The following NMRK1 variants were observed in gnomAD, a reference collection of about 807,000 sequenced individuals.
NMRK1 encodes the protein nicotinamide riboside kinase 1, also known as NRK 1.
Under a neutral mutation model 29.9 loss-of-function variants are expected in NMRK1, and 28 were observed. The ratio of observed to expected loss-of-function variants is 0.94; its 90% confidence interval spans 0.69 to 1.28. The LOEUF (loss-of-function observed/expected upper bound fraction) is 1.28. NMRK1 is among the 50% of genes most tolerant of loss of function. The pLI is 0.00. For synonymous variants in NMRK1, 58 were observed against 73.0 expected, an observed-to-expected ratio of 0.79 and a Z score of 1.05; for missense variants, 218 against 233.1, an observed-to-expected ratio of 0.94 and a Z score of 0.42.
intron 8 of NMRK1, 95 bp downstream of exon 8, chr9:75,066,662 A>T (rs1823368957): frequency 5.0e-6 from 4 of 794,712 alleles, no homozygotes; most frequent in South Asian, 4.1e-5. Flanking sequence ...AATCACTCCT[A>T]CACTAGCATT....
chr9:75,078,984 T>C (rs1184291114), intron 2 of NMRK1, among the ~76,000 whole-genome samples: 1 of 152,190 alleles, frequency 6.6e-6, no homozygotes, highest in Non-Finnish European at 1.5e-5. Context: ...TACTCTGAGG[T>C]CAAGATTTCA....
intron 8 of NMRK1, among the ~76,000 whole-genome samples, chr9:75,062,957 G>C (rs1213832318): frequency 6.6e-6 from 1 of 152,154 alleles, no homozygotes; most frequent in Admixed American, 6.5e-5. Flanking sequence ...CCTGAACCCA[G>C]AAGGTGGAGG....
intron 3 of NMRK1, 120 bp downstream of exon 3, chr9:75,077,370 G>T: frequency 1.1e-6 from 1 of 880,546 alleles, no homozygotes; most frequent in Non-Finnish European, 1.8e-6. Flanking sequence ...CCATTGCACT[G>T]AGCCTAATTT....
rs1823004864 is a variant in NMRK1, at chr9:75,061,272, G to T, written c.*276C>A. 5.0e-6 allele frequency: 2 copies of T among 402,376 alleles called. No homozygotes were observed. The highest frequency in any genetic ancestry group is 1.3e-4 in the South Asian group (2 of 15,600). The allele number at this position is 402,376 out of a possible 1,614,324, so 24.9% of individuals were successfully genotyped here. A position where few individuals can be genotyped will look rare whatever the true frequency, so the allele number is the denominator to read the frequency against. On this transcript the variant is annotated 3_prime_UTR_variant, in exon 9 of 9. Transcript: ENST00000361092. ...AAAGTTTGACAATCATTGTTATAGA[G>T]CTATGTTCAGAAAGTGGAGACTTTC... is the stretch of plus-strand genomic sequence containing the variant.
In NMRK1 at chr9:75,083,100, T is replaced by C. The variant is rs768604528; in HGVS notation, c.16A>G (p.Ile6Val). MKTFIIGISGVTNSGK... is the reference protein window; with the variant it reads MKTFIVGISGVTNSGK... ...AAAATTACTCACCCACTGATTCCAA[T>C]GATAAATGTTTTCATAATTAGCTTT... Residue 6 changes from isoleucine to valine, a missense_variant, in exon 2 of 9, where the codon ATT becomes GTT. Ile to Val is a conservative substitution (Grantham distance 29, BLOSUM62 3). Transcript: ENST00000361092. The C allele has an allele frequency of 8.1e-6, 13 of 1,599,284 alleles. No individual in the cohort carries two copies. Among genetic ancestry groups the C allele is most frequent in the African/African-American group, 1.3e-5 (1 of 74,770 alleles).
intron 8 of NMRK1, among the ~76,000 whole-genome samples, chr9:75,062,332 AT>A (rs72097624): frequency 6.6e-6 from 1 of 152,098 alleles, no homozygotes; most frequent in African/African-American, 2.4e-5. Context: ...TATATTTTAT[AT>A]TTAATGAGAA....
intron 4 of NMRK1, among the ~76,000 whole-genome samples, chr9:75,070,809 G>A (rs1456933205): frequency 6.6e-6 from 1 of 152,044 alleles, no homozygotes; most frequent in Admixed American, 6.5e-5. Context: ...CTTTGTTCTG[G>A]TGTTAGTTTT....
chr9:75,070,160 T>G, intron 4 of NMRK1, 118 bp from the exon 5 acceptor site: 1 of 667,812 alleles, frequency 1.5e-6, no homozygotes, highest in South Asian at 2.3e-5. Flanking sequence ...TTATTTCCCT[T>G]CAAAACTCCT....
intron 8 of NMRK1, chr9:75,066,294 G>T (rs1471244171): frequency 1.9e-6 from 1 of 518,158 alleles, no homozygotes; most frequent in South Asian, 1.4e-5. Flanking sequence ...CGTCCAATAT[G>T]AAAACCTTAA....
intron 4 of NMRK1, among the ~76,000 whole-genome samples, chr9:75,072,669 C>T (rs989191240): frequency 6.6e-6 from 1 of 151,996 alleles, no homozygotes; most frequent in African/African-American, 2.4e-5. Flanking sequence ...TGAAATTTTC[C>T]ATTAGAAAAA....
chr9:75,070,760 T>G (rs1175486752), intron 4 of NMRK1, among the ~76,000 whole-genome samples: 1 of 152,204 alleles, frequency 6.6e-6, no homozygotes, highest in East Asian at 1.9e-4. Flanking sequence ...AATGATGGAT[T>G]AATTTATTTA....
chr9:75,067,147 A>G (rs185059164), intron 7 of NMRK1: 69 of 234,662 alleles, frequency 2.9e-4, no homozygotes, highest in African/African-American at 1.5e-3. Flanking sequence ...TGTTGTGCAT[A>G]CGGCACTTTA....
At chr9:75,083,852 C>T (rs1202543515) in intron 1 of NMRK1, among the ~76,000 whole-genome samples, 1 of 152,100 alleles carries the variant, frequency 6.6e-6, no homozygotes, top group Admixed American at 6.5e-5. Context: ...AAAACATTTT[C>T]ACAATTTTTT....
chr9:75,082,075 A>G (rs1176100524), intron 2 of NMRK1, among the ~76,000 whole-genome samples: 4 of 152,230 alleles, frequency 2.6e-5, no homozygotes, highest in Non-Finnish European at 4.4e-5. Flanking sequence ...CATGATATTC[A>G]GATTTAATTC....
In NMRK1 at chr9:75,069,098, T is replaced by C. The variant is rs199821018; in HGVS notation, c.394A>G (p.Arg132Gly). 5.6e-6 allele frequency: 9 copies of C among 1,605,528 alleles called. No individual in the cohort carries two copies. The East Asian group carries it at 6.7e-5, about 12-fold the overall frequency. Residue 132 changes from arginine to glycine, a missense_variant, in exon 7 of 9, where the codon AGG becomes GGG. By Grantham distance (125) the Arg-to-Gly change is moderately radical. Transcript: ENST00000361092. ...GGAGAGTCTGGAGGCTGATAGACCCTTGTACTATCAAAACACGTAGGAAAC... is the reference window on the plus strand; with the variant it reads ...GGAGAGTCTGGAGGCTGATAGACCCCTGTACTATCAAAACACGTAGGAAAC... The part of the protein sequence containing the change: ...YEECKRRRST[R>G]VYQPPDSPGY...
At chr9:75,078,657 C>G (rs1444782479) in intron 2 of NMRK1, 1 of 752,334 alleles carries the variant, frequency 1.3e-6, no homozygotes, top group Non-Finnish European at 1.7e-6. Context: ...TGAATTCTGA[C>G]AGAAATTTAG....
chr9:75,083,247 G>A, intron 1 of NMRK1, 97 bp from the exon 2 acceptor site: 1 of 679,088 alleles, frequency 1.5e-6, no homozygotes, highest in Non-Finnish European at 2.6e-6. Context: ...GCTGAGAGGG[G>A]AGGATGACAG....
intron 7 of NMRK1, among the ~76,000 whole-genome samples, chr9:75,067,889 C>T (rs1160915121): frequency 6.6e-6 from 1 of 152,118 alleles, no homozygotes; most frequent in African/African-American, 2.4e-5. Flanking sequence ...GAAAAGCATA[C>T]ATCAGTTCTA....
chr9:75,078,199 T>C (rs1368368863), intron 2 of NMRK1: 6 of 1,414,814 alleles, frequency 4.2e-6, no homozygotes, highest in Admixed American at 2.5e-5. Context: ...ACATGGTTCA[T>C]ATGCAACACA....
Sources: gnomAD v4.1 joint callset for allele counts (sites outside exome capture counted in the v4.1 genomes callset) on GRCh38, gnomAD v4.1.1 for gene constraint, MANE v1.5 for transcripts, NCBI Gene and HGNC (gene_info 2026-07-23, HGNC 2026-07-21) for gene names.